The following ZNF45 variants were observed in gnomAD, a reference collection of about 807,000 sequenced individuals.
ZNF45 encodes BRC1744.
Under a neutral mutation model 12.0 loss-of-function variants are expected in ZNF45, and 4 were observed. That is an observed-to-expected ratio of 0.33 (90% CI 0.16 to 0.76). ZNF45 has a LOEUF of 0.76. Ranked by LOEUF, ZNF45 falls within the 30% of genes least tolerant of loss-of-function variation. The probability of loss-of-function intolerance (pLI) is 0.60; values close to 1 mark genes in which losing one functional copy is unlikely to be tolerated. For missense variants in ZNF45, 700 were observed against 813.0 expected, an observed-to-expected ratio of 0.86 and a Z score of 1.69; for synonymous variants, 272 against 279.6, an observed-to-expected ratio of 0.97 and a Z score of 0.27.
At chr19:43,933,071 G>A (rs1475065385) in intron 2 of ZNF45, among the ~76,000 whole-genome samples, 1 of 152,186 alleles carries the variant, frequency 6.6e-6, no homozygotes, top group African/African-American at 2.4e-5. Flanking sequence ...TTAGCCTCCA[G>A]AACTGTAACA....
In ZNF45 at chr19:43,914,502, T is replaced by G. The variant is rs867588202; in HGVS notation, c.934A>C (p.Ser312Arg). Residue 312 changes from serine to arginine, a missense_variant, in exon 10 of 10, where the codon AGC becomes CGC. By Grantham distance (110) the Ser-to-Arg change is moderately radical. Transcript: ENST00000269973. ...KPYKCEECGK[S>R]FSWRSRLQAH... The stretch of plus-strand genomic sequence containing the variant: ...TGCAGTCGTGAACGCCAACTGAAGC[T>G]CTTCCCACACTCTTCACACTTATAT... 3 of 1,613,642 alleles carry G rather than the reference T, an allele frequency of 1.9e-6. No homozygotes were observed. The highest frequency in any genetic ancestry group is 2.5e-6 in the Non-Finnish European group (3 of 1,179,758).
rs771424963 is a variant in ZNF45 at position 43,919,595 on chromosome 19, G to T, written c.120C>A (p.Asn40Lys). 6.2e-7 allele frequency: 1 copy of T among 1,612,800 alleles called. No individual in the cohort carries two copies. Among genetic ancestry groups the T allele is most frequent in the Admixed American group, 1.7e-5 (1 of 59,956 alleles). ...RKLYRDVMLE[N>K]FRNVVSVGHQ... ...CACCCACTGAGACCACATTCCTGAA[G>T]TTCTCCAGCATCACATCTCGGTACA... The change falls in exon 8 of 10, where the codon AAC (asparagine) becomes AAA (lysine). Residue 40 changes from asparagine to lysine, a missense_variant. Asn to Lys is a moderately conservative substitution (Grantham distance 94, BLOSUM62 0). Coordinates refer to ENST00000269973, the MANE Select transcript of ZNF45 (RefSeq NM_003425.4).
intron 2 of ZNF45, among the ~76,000 whole-genome samples, chr19:43,933,958 C>T (rs931885067): frequency 2.0e-5 from 3 of 152,116 alleles, no homozygotes; most frequent in Admixed American, 6.5e-5. Flanking sequence ...AGTAAAATTC[C>T]AACCTCCCTC....
At chr19:43,925,167 G>A (rs760909030) in intron 4 of ZNF45, 158 bp downstream of exon 4, 1 of 152,186 alleles carries the variant, frequency 6.6e-6, no homozygotes, top group Admixed American at 6.5e-5. Flanking sequence ...CAGCTTCTGC[G>A]AACCAGTAAG....
At chr19:43,922,440 C>T (rs149945193) in intron 6 of ZNF45, among the ~76,000 whole-genome samples, 2 of 152,246 alleles carry the variant, frequency 1.3e-5, no homozygotes, top group East Asian at 3.9e-4. Flanking sequence ...ACCTGCCCGA[C>T]CACACAGAGT....
rs1204087780 is a variant in ZNF45 at position 43,915,013 on chromosome 19, T to A, written c.423A>T (p.Lys141Asn). ...QLEKRDDLHY[K>N]DEGFSNQSSH... ...AACTCTGATTACTGAATCCCTCATC[T>A]TTATAGTGCAAATCATCTCGTTTTT... Residue 141 changes from lysine (K) to asparagine (N), a missense_variant, in exon 10 of 10, where the codon AAA becomes AAT. Coordinates refer to ENST00000269973, the MANE Select transcript of ZNF45 (RefSeq NM_003425.4). 6.2e-7 allele frequency: 1 copy of A among 1,610,340 alleles called. No homozygotes were observed. The highest frequency in any genetic ancestry group is 1.1e-5 in the South Asian group (1 of 90,754).
intron 3 of ZNF45, chr19:43,926,345 A>G (rs902766144): frequency 1.3e-5 from 2 of 152,210 alleles, no homozygotes; most frequent in Non-Finnish European, 2.9e-5. Flanking sequence ...AAGGAAAAGC[A>G]TCTCTGGATT....
chr19:43,930,485 C>T (rs1974043520), intron 3 of ZNF45, among the ~76,000 whole-genome samples: 1 of 152,062 alleles, frequency 6.6e-6, no homozygotes, highest in Non-Finnish European at 1.5e-5. Context: ...GACCACAGTT[C>T]AAGAACCACT....
Position 43,913,911 on chromosome 19 carries a change from A to T in ZNF45, c.1525T>A (p.Phe509Ile), listed in dbSNP as rs998527129. ...ACCTGAAGGCTGGAGAACTGACTGA[A>T]GGCCTTACCACACCTCTCGCATTTA... ...PYKCERCGKA[F>I]SQFSSLQVHQ... is the part of the protein sequence containing the mutation. The change falls in exon 10 of 10, where the codon TTC (phenylalanine) becomes ATC (isoleucine). Residue 509 changes from phenylalanine (F) to isoleucine (I), a missense_variant. Transcript: ENST00000269973. 2 of 1,602,712 alleles carry T rather than the reference A, an allele frequency of 1.2e-6. No individual in the cohort carries two copies. Among genetic ancestry groups the T allele is most frequent in the African/African-American group, 1.3e-5 (1 of 74,658 alleles).
At chr19:43,926,024 A>G (rs555899790) in intron 3 of ZNF45, among the ~76,000 whole-genome samples, 1 of 152,240 alleles carries the variant, frequency 6.6e-6, no homozygotes, top group Non-Finnish European at 1.5e-5. Flanking sequence ...TGCAGGGGAT[A>G]TATTTCCATC....
chr19:43,916,477 C>T (rs1275544605), intron 9 of ZNF45, among the ~76,000 whole-genome samples: 1 of 152,190 alleles, frequency 6.6e-6, no homozygotes, highest in Non-Finnish European at 1.5e-5. Flanking sequence ...CATTACACCC[C>T]TGGCAATTTC....
At chr19:43,927,417 C>A (rs1343169581) in intron 3 of ZNF45, among the ~76,000 whole-genome samples, 1 of 152,090 alleles carries the variant, frequency 6.6e-6, no homozygotes, top group Non-Finnish European at 1.5e-5. Flanking sequence ...ACCATTCATT[C>A]AACATATGAT....
rs553199502 is a variant in ZNF45, at chr19:43,924,257, G to C, written c.-52C>G. 1 of 152,220 alleles carries C rather than the reference G, an allele frequency of 6.6e-6. No homozygotes were observed. Among genetic ancestry groups the C allele is most frequent in the South Asian group, 2.1e-4 (1 of 4,836 alleles). 9.4% of individuals were successfully genotyped at this position (152,220 alleles called of 1,614,324 possible). A position where few individuals can be genotyped will look rare whatever the true frequency, so the allele number is the denominator to read the frequency against. On this transcript the variant is annotated 5_prime_UTR_variant, in exon 6 of 10. Coordinates refer to ENST00000269973, the MANE Select transcript of ZNF45 (RefSeq NM_003425.4). ...ACATACCTGTGAAGAAGCTACTGTT[G>C]TATCAGTTGTGTGACCTTGGTCCAA...
In ZNF45 at chr19:43,914,206, A is replaced by G; in HGVS notation, c.1230T>C (p.His410=). 1 of 1,605,334 alleles carries G rather than the reference A, an allele frequency of 6.2e-7. No individual in the cohort carries two copies. The highest frequency in any genetic ancestry group is 8.5e-7 in the Non-Finnish European group (1 of 1,174,396). ...CACACTGATACGGTTTCTCTCCAGT[A>G]TGGCCTCTTTGATGGTCCAGCAGAT... ...ASNLLDHQRG[H]TGEKPYQCDA... The change falls in exon 10 of 10, where the codon CAT becomes CAC. Residue 410 remains histidine (H), a synonymous_variant. Transcript: ENST00000269973.
rs746508973 is a variant in ZNF45, at chr19:43,914,267, C to A, written c.1169G>T (p.Cys390Phe). Reference protein sequence around the residue: ...ISHTGEKPYKCEECGKGFCRA... With the variant: ...ISHTGEKPYKFEECGKGFCRA... The stretch of plus-strand genomic sequence containing the variant: ...GCAGAAGCCTTTCCCACACTCCTCA[C>A]ATTTGTATGGCTTCTCTCCAGTGTG... Residue 390 changes from cysteine to phenylalanine, a missense_variant, in exon 10 of 10, where the codon TGT (cysteine) becomes TTT (phenylalanine). Coordinates refer to ENST00000269973, the MANE Select transcript of ZNF45 (RefSeq NM_003425.4). 66 of 1,613,318 alleles carry A rather than the reference C, an allele frequency of 4.1e-5. No individual in the cohort carries two copies. The highest frequency in any genetic ancestry group is 5.4e-5 in the Non-Finnish European group (64 of 1,179,572).
chr19:43,928,839 GA>G (rs1163235492), intron 3 of ZNF45, among the ~76,000 whole-genome samples: 1 of 152,094 alleles, frequency 6.6e-6, no homozygotes, highest in Non-Finnish European at 1.5e-5. Context: ...CATTAACCAC[GA>G]AAAAACCCAG....
intron 3 of ZNF45, among the ~76,000 whole-genome samples, chr19:43,928,508 C>T (rs1285487701): frequency 6.6e-6 from 1 of 152,210 alleles, no homozygotes; most frequent in Non-Finnish European, 1.5e-5. Context: ...ACGTGTACTT[C>T]TGCAGTTACA....
rs1052218122 is a variant in ZNF45, at chr19:43,915,070, C to T, written c.366G>A (p.Val122=). ...GGCAGCCTGTTCTTTGAATATTTAC[C>T]ACAGAATCTTGATACTTGATTAACT... ...TRELIKYQDS[V]VNIQRTGCQL... Residue 122 remains valine, a synonymous_variant, in exon 10 of 10, where the codon GTG becomes GTA. Coordinates refer to ENST00000269973, the MANE Select transcript of ZNF45 (RefSeq NM_003425.4). 6.2e-7 allele frequency: 1 copy of T among 1,611,980 alleles called. No individual in the cohort carries two copies. The highest frequency in any genetic ancestry group is 1.7e-5 in the Admixed American group (1 of 59,492).
intron 6 of ZNF45, among the ~76,000 whole-genome samples, chr19:43,923,034 C>T (rs189012464): frequency 8.8e-4 from 133 of 151,900 alleles, no homozygotes; most frequent in African/African-American, 3.0e-3. Flanking sequence ...CTATGTTGCC[C>T]GAGCCAGTCT....
Sources: allele counts gnomAD v4.1 joint callset (sites outside exome capture counted in the v4.1 genomes callset), GRCh38; gene constraint gnomAD v4.1.1; transcripts MANE v1.5; gene names NCBI Gene and HGNC (gene_info 2026-07-23, HGNC 2026-07-21).